Variants in PLD5 observed in about 807,000 individuals in gnomAD.
The protein encoded by PLD5 is phospholipase D family member 5.
PLD5 carries 36 observed loss-of-function variants against 61.1 expected under a neutral mutation model. The ratio of observed to expected loss-of-function variants is 0.59; its 90% CI spans 0.45 to 0.78. PLD5 has a LOEUF of 0.78. Ranked by LOEUF, PLD5 falls within the 30% of genes least tolerant of loss-of-function variation. The pLI, the probability that PLD5 is intolerant of heterozygous loss-of-function variation, is 0.00. For synonymous variants in PLD5, 243 were observed against 242.8 expected (o/e 1.00, Z -0.01); for missense variants, 515 against 644.4 (o/e 0.80, Z 2.17).
intron 2 of PLD5, among the ~76,000 whole-genome samples, chr1:242,325,259 A>G (rs1658674615): frequency 6.6e-6 from 1 of 151,940 alleles, no homozygotes; most frequent in Non-Finnish European, 1.5e-5. Context: ...ATTCTAAAAT[A>G]ACTATTTATA....
At chr1:242,170,607 C>G (rs570054422) in intron 5 of PLD5, among the ~76,000 whole-genome samples, 40 of 152,254 alleles carry the variant, frequency 2.6e-4, no homozygotes, top group Middle Eastern at 3.4e-3. Context: ...ACAAACTCCT[C>G]TGAGCTAAAG....
At chr1:242,490,640 G>A (rs1668117486) in intron 1 of PLD5, among the ~76,000 whole-genome samples, 2 of 152,202 alleles carry the variant, frequency 1.3e-5, no homozygotes, top group Non-Finnish European at 2.9e-5. Context: ...GGGCTACATG[G>A]CAATGCCTCG....
At chr1:242,125,206 G>A (rs138360240) in intron 5 of PLD5, among the ~76,000 whole-genome samples, 3 of 152,210 alleles carry the variant, frequency 2.0e-5, no homozygotes, top group African/African-American at 7.2e-5. Flanking sequence ...TTCATATGTT[G>A]CTATGATAAT....
intron 4 of PLD5, among the ~76,000 whole-genome samples, chr1:242,244,110 T>TA (rs1672223929): frequency 6.6e-6 from 1 of 152,216 alleles, no homozygotes; most frequent in South Asian, 2.1e-4. Context: ...TATTACCTGA[T>TA]AGAGTGTGTT....
At chr1:242,103,065 G>A (rs572233336) in intron 8 of PLD5, among the ~76,000 whole-genome samples, 74 of 152,268 alleles carry the variant, frequency 4.9e-4, no homozygotes, top group African/African-American at 1.5e-3. Flanking sequence ...ACATGGACCC[G>A]TGACTTGGCC....
At chr1:242,522,646 T>G (rs1303049880) in intron 1 of PLD5, among the ~76,000 whole-genome samples, 1 of 152,216 alleles carries the variant, frequency 6.6e-6, no homozygotes, top group African/African-American at 2.4e-5. Context: ...GCCACATCAT[T>G]GGTTGATTAC....
chr1:242,175,389 A>G (rs1261017607), intron 5 of PLD5, among the ~76,000 whole-genome samples: 1 of 152,210 alleles, frequency 6.6e-6, no homozygotes, highest in African/African-American at 2.4e-5. Flanking sequence ...GCCTTCAACA[A>G]AATTCAACAC....
At chr1:242,267,908 C>A (rs1673795882) in intron 3 of PLD5, among the ~76,000 whole-genome samples, 2 of 146,598 alleles carry the variant, frequency 1.4e-5, no homozygotes, top group Admixed American at 6.8e-5. Flanking sequence ...AAAAAAGAGG[C>A]AGGAGGGGAG....
At chr1:242,403,382 G>A in intron 1 of PLD5, among the ~76,000 whole-genome samples, 1 of 152,110 alleles carries the variant, frequency 6.6e-6, no homozygotes. Context: ...GAATTGGGGG[G>A]TCATCAATAC....
At chr1:242,210,053 C>T (rs1363243541) in intron 5 of PLD5, among the ~76,000 whole-genome samples, 1 of 152,186 alleles carries the variant, frequency 6.6e-6, no homozygotes, top group Admixed American at 6.5e-5. Context: ...CCTCGGCCTC[C>T]CAAAGTCCTG....
intron 5 of PLD5, among the ~76,000 whole-genome samples, chr1:242,176,862 A>G (rs550885592): frequency 2.0e-5 from 3 of 152,350 alleles, no homozygotes; most frequent in South Asian, 4.1e-4. Flanking sequence ...ATGCAAATCA[A>G]AACCACAATG....
At chr1:242,381,464 G>A (rs1378911999) in intron 1 of PLD5, among the ~76,000 whole-genome samples, 1 of 152,112 alleles carries the variant, frequency 6.6e-6, no homozygotes, top group African/African-American at 2.4e-5. Flanking sequence ...CTAGGTGATG[G>A]TTGATCTGTA....
At chr1:242,172,567 C>CA (rs1048284750) in intron 5 of PLD5, among the ~76,000 whole-genome samples, 4 of 151,924 alleles carry the variant, frequency 2.6e-5, no homozygotes, top group Non-Finnish European at 4.4e-5. Flanking sequence ...AAAAACCCTT[C>CA]AAAAAAATCA....
chr1:242,370,845 G>T (rs1430841327), intron 1 of PLD5, among the ~76,000 whole-genome samples: 1 of 152,060 alleles, frequency 6.6e-6, no homozygotes, highest in Admixed American at 6.6e-5. Flanking sequence ...GGCTATTTTG[G>T]CCATCTGTAT....
chr1:242,168,097 T>C (rs1286451432), intron 5 of PLD5, among the ~76,000 whole-genome samples: 1 of 152,204 alleles, frequency 6.6e-6, no homozygotes, highest in Non-Finnish European at 1.5e-5. Flanking sequence ...GAACAGCTGG[T>C]CTTTTAATAA....
intron 7 of PLD5, among the ~76,000 whole-genome samples, chr1:242,109,969 C>G (rs1170875057): frequency 2.0e-5 from 3 of 150,924 alleles, no homozygotes; most frequent in African/African-American, 7.3e-5. Context: ...ACTATTAGAA[C>G]ACAGAGGTGT....
intron 2 of PLD5, among the ~76,000 whole-genome samples, chr1:242,331,536 TC>T (rs35221465): frequency 0.76 from 116,080 of 151,942 alleles, 45,429 homozygotes; most frequent in Non-Finnish European, 0.85. Context: ...CCTTCTAACA[TC>T]CCTTGATTCC....
At position 242,149,208 on chromosome 1, in the gene PLD5, G is replaced by T. The variant is rs373956746; in HGVS notation, c.736-24543C>A. 1.9e-3 allele frequency among the ~76,000 whole-genome samples: 287 copies of T among 151,970 alleles called. 1 individual carries two copies. Among genetic ancestry groups the T allele is most frequent in the African/African-American group, 6.5e-3 (270 of 41,534 alleles). ...CTAGTTTTCTGAGAATACCAGAAAT[G>T]AATGTTGAATTTTGCCAGAGTCTTT... is the stretch of plus-strand genomic sequence containing the variant. On this transcript the variant is annotated intron_variant, in intron 5 of 9. Coordinates refer to ENST00000536534, the MANE Select transcript of PLD5 (RefSeq NM_001372062.1).
intron 4 of PLD5, among the ~76,000 whole-genome samples, chr1:242,223,790 C>T (rs1196078272): frequency 6.6e-6 from 1 of 151,908 alleles, no homozygotes; most frequent in Non-Finnish European, 1.5e-5. Context: ...AATATTGATG[C>T]TCCATCTATC....
Sources: gnomAD v4.1 joint callset for allele counts (sites outside exome capture counted in the v4.1 genomes callset) on GRCh38, gnomAD v4.1.1 for gene constraint, MANE v1.5 for transcripts, NCBI Gene and HGNC (gene_info 2026-07-23, HGNC 2026-07-21) for gene names.